MYLK: variants seen among roughly 807,000 people sequenced by gnomAD.
The protein encoded by MYLK is myosin light chain kinase.
Under a neutral mutation model 203.4 loss-of-function variants are expected in MYLK, and 106 were observed. The ratio of observed to expected loss-of-function variants is 0.52; its 90% confidence interval spans 0.45 to 0.61. The LOEUF is 0.61. MYLK is among the 20% of genes least tolerant of loss of function. The pLI is 0.00. For synonymous variants in MYLK, 867 were observed against 959.5 expected (o/e 0.90, Z 1.78); for missense variants, 2,072 against 2,442.3 (o/e 0.85, Z 3.20).
At chr3:123,652,004 C>T (rs921508048) in intron 24 of MYLK, among the ~76,000 whole-genome samples, 1 of 152,174 alleles carries the variant, frequency 6.6e-6, no homozygotes, top group African/African-American at 2.4e-5. Context: ...CCCAGCTATT[C>T]GGGAGGCTGA....
chr3:123,862,243 T>C (rs1159988657), intron 2 of MYLK, among the ~76,000 whole-genome samples: 1 of 152,246 alleles, frequency 6.6e-6, no homozygotes, highest in Non-Finnish European at 1.5e-5. Flanking sequence ...AACTGGAGAA[T>C]CCTGTGTCCC....
At chr3:123,618,573 A>C in intron 33 of MYLK, 66 bp downstream of exon 33, 1 of 1,606,438 alleles carries the variant, frequency 6.2e-7, no homozygotes, top group Non-Finnish European at 8.5e-7. Flanking sequence ...CCCACGGTGC[A>C]TGGTAGGGAC....
intron 4 of MYLK, among the ~76,000 whole-genome samples, chr3:123,767,277 T>C (rs2063736115): frequency 6.6e-6 from 1 of 152,180 alleles, no homozygotes; most frequent in Non-Finnish European, 1.5e-5. Flanking sequence ...TCAGAGAATT[T>C]CAGGCGCAGC....
At chr3:123,735,802 A>G (rs1474339294) in intron 8 of MYLK, 2 of 191,598 alleles carry the variant, frequency 1.0e-5, no homozygotes, top group East Asian at 1.1e-4. Context: ...TCAAAGAAAA[A>G]ACATAAAATA....
In MYLK at chr3:123,640,177, T is replaced by G; in HGVS notation, c.4837+110A>C. ...AGGATTCAAACCTGGGAAGTCTTCATGGTCTCGGATTTAACCCCAATACTG... is the reference window on the plus strand; with the variant it reads ...AGGATTCAAACCTGGGAAGTCTTCAGGGTCTCGGATTTAACCCCAATACTG... On this transcript the variant is annotated intron_variant, in intron 28 of 33. Transcript: ENST00000360304. The surrounding 1 kb of genome is among the most constrained non-coding windows in gnomAD (Gnocchi z 4.3). 1 of 1,035,412 alleles carries G rather than the reference T, an allele frequency of 9.7e-7. No individual in the cohort carries two copies. The highest frequency in any genetic ancestry group is 1.3e-5 in the South Asian group (1 of 76,850). The allele number at this position is 1,035,412 out of a possible 1,614,324, so 64.1% of individuals were successfully genotyped here.
Position 123,722,281 on chromosome 3 carries a change from C to A in MYLK, c.1652-1G>T, listed in dbSNP as rs1416268665. The A allele has an allele frequency of 6.4e-7, 1 of 1,565,938 alleles. No individual in the cohort carries two copies. The highest frequency in any genetic ancestry group is 8.7e-7 in the Non-Finnish European group (1 of 1,154,860). On this transcript the variant is annotated splice_acceptor_variant, in intron 12 of 33. Coordinates refer to ENST00000360304, the MANE Select transcript of MYLK (RefSeq NM_053025.4). LOFTEE classifies it high-confidence loss of function. ...GAGCGAGCGTACTGGATGGGCTGCC[C>A]TGTGGAGGAAGCACAGGAAGGCTCA...
chr3:123,858,483 G>A (rs575936653), intron 2 of MYLK, among the ~76,000 whole-genome samples: 2 of 152,268 alleles, frequency 1.3e-5, no homozygotes, highest in Admixed American at 1.3e-4. Context: ...AGAAGTACAA[G>A]GTCGAGAGGC....
At chr3:123,617,894 A>C (rs1481848261) in intron 33 of MYLK, 1 of 152,474 alleles carries the variant, frequency 6.6e-6, no homozygotes, top group Non-Finnish European at 1.5e-5. Flanking sequence ...GACCACTGAC[A>C]GGTCTGTGGC....
rs144796979 is a variant in MYLK at position 123,792,114 on chromosome 3, C to T, written c.165+1563G>A. Among the ~76,000 whole-genome samples, 498 of 152,306 alleles carry T rather than the reference C, an allele frequency of 3.3e-3. 3 individuals carry two copies. Among genetic ancestry groups the T allele is most frequent in the African/African-American group, 0.011 (477 of 41,558 alleles). ...AAGTTCCAAATCGAGTCACTCAAGG[C>T]ATGGTTCTTTCATGACACCAAGGTC... On this transcript the variant is annotated intron_variant, in intron 4 of 33. Coordinates refer to ENST00000360304, the MANE Select transcript of MYLK (RefSeq NM_053025.4).
rs140823330 is a variant in MYLK, at chr3:123,792,075, T to C, written c.165+1602A>G. ...CTCCAGTGTGTTGGCTCCTGGCCAG[T>C]GCTCAGCAGATGCAAGTTCCAAATC... On this transcript the variant is annotated intron_variant, in intron 4 of 33. Coordinates refer to ENST00000360304, the MANE Select transcript of MYLK (RefSeq NM_053025.4). Among the ~76,000 whole-genome samples, 58 of 152,350 alleles carry C rather than the reference T, an allele frequency of 3.8e-4. 2 individuals carry two copies. The South Asian group carries it at 7.5e-3, about 20-fold the overall frequency.
intron 28 of MYLK, chr3:123,638,738 T>C: frequency 1.0e-6 from 1 of 985,218 alleles, no homozygotes; most frequent in Non-Finnish European, 1.2e-6. Context: ...CCACCGTTCC[T>C]CCCTCCTGCC....
intron 31 of MYLK, 155 bp from the exon 32 acceptor site, chr3:123,620,491 C>A (rs820456): frequency 0.036 from 56,264 of 1,543,220 alleles, 1,188 homozygotes; most frequent in Middle Eastern, 0.065. Context: ...GAGGAGCGAA[C>A]CCAACCTTGC....
At chr3:123,813,669 C>T (rs1419610497) in intron 3 of MYLK, among the ~76,000 whole-genome samples, 3 of 152,122 alleles carry the variant, frequency 2.0e-5, no homozygotes, top group Admixed American at 1.3e-4. Context: ...TGCGACCACG[C>T]CTGACTAATT....
chr3:123,652,544 C>T (rs148626886), intron 24 of MYLK, among the ~76,000 whole-genome samples: 209 of 152,292 alleles, frequency 1.4e-3, no homozygotes, highest in African/African-American at 4.4e-3. Flanking sequence ...AGGGCACCCC[C>T]GCCCCGGAGA....
intron 20 of MYLK, among the ~76,000 whole-genome samples, chr3:123,678,174 G>A (rs2060139612): frequency 6.6e-6 from 1 of 151,878 alleles, no homozygotes; most frequent in Admixed American, 6.6e-5. Flanking sequence ...CAGGCACTCG[G>A]TAGACTCTGA....
chr3:123,714,433 C>T (rs2061823899), intron 13 of MYLK, among the ~76,000 whole-genome samples: 1 of 152,202 alleles, frequency 6.6e-6, no homozygotes, highest in Admixed American at 6.5e-5. Flanking sequence ...CTTCTAGCAT[C>T]ATCCTGGTTT....
intron 20 of MYLK, among the ~76,000 whole-genome samples, chr3:123,675,403 G>T (rs1412141952): frequency 1.3e-5 from 2 of 152,212 alleles, no homozygotes; most frequent in East Asian, 3.9e-4. Flanking sequence ...GTAACCCACA[G>T]AAGTTTCCAG....
chr3:123,776,583 G>A (rs1363881026), intron 4 of MYLK, among the ~76,000 whole-genome samples: 1 of 152,124 alleles, frequency 6.6e-6, no homozygotes, highest in Non-Finnish European at 1.5e-5. Flanking sequence ...CAGATTTAAT[G>A]GAATATTCAC....
At chr3:123,860,400 G>C (rs2031790010) in intron 2 of MYLK, among the ~76,000 whole-genome samples, 2 of 152,198 alleles carry the variant, frequency 1.3e-5, no homozygotes, top group South Asian at 4.1e-4. Context: ...TGCTGAAAGA[G>C]ACTTTTTGGT....
Sources: allele counts gnomAD v4.1 joint callset (sites outside exome capture counted in the v4.1 genomes callset), GRCh38; gene constraint gnomAD v4.1.1; non-coding constraint Gnocchi (gnomAD v3.1); transcripts MANE v1.5; gene names NCBI Gene and HGNC (gene_info 2026-07-23, HGNC 2026-07-21).